EGF: variants seen among roughly 807,000 people sequenced by gnomAD.
EGF encodes epidermal growth factor, also known as pro-epidermal growth factor.
EGF carries 95 observed loss-of-function variants against 143.8 expected under a neutral mutation model. The ratio of observed to expected loss-of-function variants is 0.66; its 90% CI spans 0.56 to 0.78. EGF has a LOEUF of 0.78. Ranked by LOEUF, EGF falls within the 30% of genes least tolerant of loss-of-function variation. EGF has a pLI of 0.00. For missense variants in EGF, 1,320 were observed against 1,470.9 expected (o/e 0.90, Z 1.68); for synonymous variants, 510 against 510.5 (o/e 1.00, Z 0.01).
chr4:109,991,092 G>A (rs990888751), intron 18 of EGF, among the ~76,000 whole-genome samples: 1 of 152,082 alleles, frequency 6.6e-6, no homozygotes, highest in Admixed American at 6.5e-5. Flanking sequence ...ACTGGCTGAG[G>A]GTCAGACAGT....
intron 5 of EGF, among the ~76,000 whole-genome samples, chr4:109,949,175 C>A (rs1474081934): frequency 2.0e-5 from 3 of 152,050 alleles, no homozygotes; most frequent in African/African-American, 7.2e-5. Context: ...TTAAGCAATT[C>A]TCTCTGCCTC....
intron 21 of EGF, among the ~76,000 whole-genome samples, chr4:110,002,651 T>C (rs1752717087): frequency 6.6e-6 from 1 of 152,196 alleles, no homozygotes; most frequent in African/African-American, 2.4e-5. Flanking sequence ...CTTTGTTTTT[T>C]TGTGGGTTTT....
chr4:109,948,432 A>C (rs929630129), intron 5 of EGF, among the ~76,000 whole-genome samples: 3 of 152,136 alleles, frequency 2.0e-5, no homozygotes, highest in Admixed American at 6.5e-5. Context: ...TGTTCCACCT[A>C]GGGAGATGGT....
intron 19 of EGF, among the ~76,000 whole-genome samples, chr4:109,993,998 TAAG>T (rs1334843391): frequency 1.3e-5 from 2 of 151,012 alleles, no homozygotes; most frequent in Non-Finnish European, 2.9e-5. Context: ...GAAAACATCC[TAAG>T]AAGAAAAATT....
chr4:110,008,038 C>T (rs1753540150), intron 22 of EGF, 114 bp from the exon 23 acceptor site: 1 of 993,220 alleles, frequency 1.0e-6, no homozygotes, highest in Non-Finnish European at 1.6e-6. Context: ...TTTCTTCTGA[C>T]TTTCACTTTC....
intron 5 of EGF, among the ~76,000 whole-genome samples, chr4:109,946,658 T>TA (rs1231848460): frequency 2.6e-5 from 4 of 152,170 alleles, no homozygotes; most frequent in African/African-American, 7.2e-5. Flanking sequence ...GCCATACAGG[T>TA]AGAAACCATG....
chr4:110,004,543 A>ATGAGGAGTCGAGCAGAGATG lies in EGF; in HGVS notation c.3223_3242dup (p.Arg1082AlafsTer4). The ATGAGGAGTCGAGCAGAGATG allele has an allele frequency of 2.5e-6, 4 of 1,614,126 alleles. No individual in the cohort carries two copies. The highest frequency in any genetic ancestry group is 3.4e-6 in the Non-Finnish European group (4 of 1,179,972). ...CTATCGAAAAACCCAAAGAATCCTT[A>ATGAGGAGTCGAGCAGAGATG]TGAGGAGTCGAGCAGAGATGTGAGG... On this transcript the variant is annotated frameshift_variant, in exon 22 of 24. Coordinates refer to ENST00000265171, the MANE Select transcript of EGF (RefSeq NM_001963.6). LOFTEE classifies it high-confidence loss of function.
intron 20 of EGF, among the ~76,000 whole-genome samples, chr4:109,995,171 T>G (rs1000480879): frequency 1.2e-4 from 18 of 152,196 alleles, no homozygotes; most frequent in Non-Finnish European, 1.6e-4. Flanking sequence ...ATTAAATGTC[T>G]CATCCTGGTT....
chr4:109,944,646 T>C (rs1742535545), intron 4 of EGF, among the ~76,000 whole-genome samples: 1 of 152,252 alleles, frequency 6.6e-6, no homozygotes, highest in Admixed American at 6.5e-5. Context: ...TTCTCACATG[T>C]TGACCATAAT....
intron 10 of EGF, among the ~76,000 whole-genome samples, chr4:109,967,592 A>G (rs1423541544): frequency 6.6e-6 from 1 of 152,154 alleles, no homozygotes; most frequent in African/African-American, 2.4e-5. Context: ...TGGCAATTTG[A>G]TAAGAATTGC....
chr4:109,961,032 T>A (rs755353388), intron 7 of EGF, 43 bp downstream of exon 7: 1 of 1,610,114 alleles, frequency 6.2e-7, no homozygotes, highest in South Asian at 1.1e-5. Context: ...GTTTTCTTCA[T>A]TTTCAATATG....
At chr4:110,006,486 TTCAGTCTTTA>T (rs1467412948) in intron 22 of EGF, among the ~76,000 whole-genome samples, 12 of 152,364 alleles carry the variant, frequency 7.9e-5, no homozygotes, top group Middle Eastern at 3.4e-3. Context: ...CTAAGATCCC[TTCAGTCTTTA>T]TCAGTCTTTA....
At chr4:109,955,707 T>C (rs559915642) in intron 5 of EGF, among the ~76,000 whole-genome samples, 22 of 152,244 alleles carry the variant, frequency 1.4e-4, no homozygotes, top group African/African-American at 4.8e-4. Flanking sequence ...AAAAAACAAA[T>C]AGGGAGTTAG....
chr4:110,008,844 T>C (rs1450303495), intron 23 of EGF, among the ~76,000 whole-genome samples: 2 of 152,350 alleles, frequency 1.3e-5, no homozygotes, highest in Admixed American at 1.3e-4. Flanking sequence ...AGTTGTATTA[T>C]GATCAGCCTT....
chr4:109,982,012 C>T (rs1373315897), intron 15 of EGF, among the ~76,000 whole-genome samples: 1 of 150,600 alleles, frequency 6.6e-6, no homozygotes, highest in Non-Finnish European at 1.5e-5. Flanking sequence ...CTCACTGCAG[C>T]CTTGGCCCCA....
intron 1 of EGF, chr4:109,940,660 G>A (rs1417018853): frequency 1.5e-5 from 5 of 343,482 alleles, no homozygotes; most frequent in South Asian, 3.9e-5. Context: ...ACATAAAAAG[G>A]TATTTTATGG....
intron 5 of EGF, among the ~76,000 whole-genome samples, chr4:109,951,013 A>G (rs1743802316): frequency 6.6e-6 from 1 of 152,096 alleles, no homozygotes; most frequent in Non-Finnish European, 1.5e-5. Context: ...ACAAGAGTTG[A>G]AAAAACAAGC....
chr4:109,947,259 C>T lies in EGF; in HGVS notation c.940+1984C>T, dbSNP rs535133866. Among the ~76,000 whole-genome samples the T allele has an allele frequency of 2.0e-5, 3 of 152,258 alleles. No individual in the cohort carries two copies. The South Asian group carries it at 6.2e-4, about 32-fold the overall frequency. ...TACCTCATAAATGATGTGACACTAA[C>T]ATCTCACCTTTATGTAAAAGTTTTA... On this transcript the variant is annotated intron_variant, in intron 5 of 23. Coordinates refer to ENST00000265171, the MANE Select transcript of EGF (RefSeq NM_001963.6).
intron 1 of EGF, among the ~76,000 whole-genome samples, chr4:109,924,427 A>G (rs534014525): frequency 1.3e-5 from 2 of 151,802 alleles, no homozygotes; most frequent in South Asian, 2.1e-4. Flanking sequence ...GGATTGAATA[A>G]ATGAAATTTC....
Sources: gnomAD v4.1 joint callset for allele counts (sites outside exome capture counted in the v4.1 genomes callset) on GRCh38, gnomAD v4.1.1 for gene constraint, MANE v1.5 for transcripts, NCBI Gene and HGNC (gene_info 2026-07-23, HGNC 2026-07-21) for gene names.